PHF14: variants seen among roughly 807,000 people sequenced by gnomAD.
The protein encoded by PHF14 is PHD finger protein 14.
A neutral mutation model predicts 117.9 loss-of-function variants in PHF14; 55 were observed. That is an observed-to-expected ratio of 0.47 (90% CI 0.38 to 0.58). The LOEUF (loss-of-function observed/expected upper bound fraction) is 0.58. Ranked by LOEUF, PHF14 falls within the 20% of genes least tolerant of loss-of-function variation. PHF14 has a pLI of 0.00. For synonymous variants in PHF14, 409 were observed against 368.6 expected, an observed-to-expected ratio of 1.11 and a Z score of -1.26; for missense variants, 978 against 1,122.2, an observed-to-expected ratio of 0.87 and a Z score of 1.84.
rs536322466 is a variant in PHF14, at chr7:11,017,865, A to G, written c.1205+3959A>G. Among the ~76,000 whole-genome samples the G allele has an allele frequency of 3.5e-4, 53 of 152,198 alleles. No individual in the cohort carries two copies. In the South Asian group the frequency reaches 9.1e-3, roughly 26 times the overall value. On this transcript the variant is annotated intron_variant, in intron 5 of 17. Transcript: ENST00000634607. ...CCAGAGCAATGTCCTGGATTCCCCA[A>G]TGTTTTCTTGTAGTATTTTCATAGT... is the stretch of plus-strand genomic sequence containing the variant.
At chr7:10,995,668 G>T (rs1238148313) in intron 4 of PHF14, among the ~76,000 whole-genome samples, 1 of 152,210 alleles carries the variant, frequency 6.6e-6, no homozygotes, top group Admixed American at 6.5e-5. Context: ...CTCAGGCATG[G>T]TGGGCTGCAG....
intron 17 of PHF14, among the ~76,000 whole-genome samples, chr7:11,142,258 A>T (rs569394638): frequency 6.6e-6 from 1 of 152,178 alleles, no homozygotes; most frequent in South Asian, 2.1e-4. Context: ...AGGTATCTTC[A>T]CATTTAAAGC....
intron 11 of PHF14, among the ~76,000 whole-genome samples, chr7:11,040,404 TTG>T (rs1382627762): frequency 6.6e-6 from 1 of 152,118 alleles, no homozygotes; most frequent in Non-Finnish European, 1.5e-5. Context: ...GTATGTGTCT[TTG>T]TCTTTGAAAG....
chr7:11,164,293 C>A (rs77519926), intron 17 of PHF14, among the ~76,000 whole-genome samples: 3,495 of 151,980 alleles, frequency 0.023, 126 homozygotes, highest in African/African-American at 0.08. Context: ...TTCATATGGC[C>A]AAATTATAAA....
At chr7:11,116,279 CAGCTGTTTCTCCA>C (rs1250854656) in intron 17 of PHF14, among the ~76,000 whole-genome samples, 2 of 152,074 alleles carry the variant, frequency 1.3e-5, no homozygotes, top group South Asian at 2.1e-4. Flanking sequence ...TTCCTGGAAT[CAGCTGTTTCTCCA>C]AGGAGCCCAG....
chr7:11,079,633 G>A (rs773978510), intron 16 of PHF14, among the ~76,000 whole-genome samples: 1 of 152,114 alleles, frequency 6.6e-6, no homozygotes, highest in Admixed American at 6.5e-5. Flanking sequence ...GGATAGAAGT[G>A]TAGGGGAAGA....
At chr7:11,098,344 CCT>C (rs972409588) in intron 16 of PHF14, among the ~76,000 whole-genome samples, 1 of 152,144 alleles carries the variant, frequency 6.6e-6, no homozygotes, top group African/African-American at 2.4e-5. Flanking sequence ...CAGTGTCTAG[CCT>C]CTGTTTTCTG....
At chr7:11,041,057 C>T (rs904816884) in intron 12 of PHF14, among the ~76,000 whole-genome samples, 5 of 151,536 alleles carry the variant, frequency 3.3e-5, no homozygotes, top group African/African-American at 1.2e-4. Flanking sequence ...ATAATTTAAA[C>T]AATATAAAAG....
intron 16 of PHF14, among the ~76,000 whole-genome samples, chr7:11,083,909 A>G (rs1786270446): frequency 6.6e-6 from 1 of 152,218 alleles, no homozygotes; most frequent in South Asian, 2.1e-4. Flanking sequence ...ATAATGGAGG[A>G]AAGCATTCCA....
intron 17 of PHF14, among the ~76,000 whole-genome samples, chr7:11,168,482 A>G (rs1789275564): frequency 6.6e-6 from 1 of 152,214 alleles, no homozygotes; most frequent in Non-Finnish European, 1.5e-5. Flanking sequence ...CAATTATTTA[A>G]TTCAATGATT....
chr7:10,977,754 CATATGTAGAAAT>C (rs1297987129), intron 2 of PHF14, among the ~76,000 whole-genome samples: 1 of 151,966 alleles, frequency 6.6e-6, no homozygotes, highest in Non-Finnish European at 1.5e-5. Context: ...CCAGAAGAAC[CATATGTAGAAAT>C]GTTAGGTTGA....
intron 17 of PHF14, among the ~76,000 whole-genome samples, chr7:11,120,636 A>C (rs1484129420): frequency 6.6e-6 from 1 of 152,008 alleles, no homozygotes; most frequent in African/African-American, 2.4e-5. Flanking sequence ...AATTTTTTTA[A>C]AGTATATGCT....
chr7:10,997,259 T>A (rs1267040701), intron 4 of PHF14, among the ~76,000 whole-genome samples: 1 of 152,138 alleles, frequency 6.6e-6, no homozygotes, highest in Non-Finnish European at 1.5e-5. Flanking sequence ...ATCACTGAAT[T>A]TAGTAACATG....
Position 10,974,160 on chromosome 7 carries a change from G to A in PHF14, c.-164G>A. ...CGGGGGGGCGGGGGGTTAGGGGACC[G>A]CGGGGCTACTCTTGGGAGCGCCCCT... On this transcript the variant is annotated 5_prime_UTR_variant, in exon 1 of 18. Transcript: ENST00000634607. 1.6e-6 allele frequency: 1 copy of A among 639,060 alleles called. No individual in the cohort carries two copies. Among genetic ancestry groups the A allele is most frequent in the Admixed American group, 2.3e-5 (1 of 43,044 alleles). 39.6% of individuals were successfully genotyped at this position (639,060 alleles called of 1,614,324 possible).
chr7:11,106,466 T>C, intron 16 of PHF14: 1 of 949,496 alleles, frequency 1.1e-6, no homozygotes, highest in Non-Finnish European at 1.3e-6. Flanking sequence ...AAAATTGTTG[T>C]AAATTACAAG....
chr7:11,007,911 A>G (rs978378893), intron 4 of PHF14, among the ~76,000 whole-genome samples: 1 of 152,168 alleles, frequency 6.6e-6, no homozygotes, highest in South Asian at 2.1e-4. Flanking sequence ...ATTACTTTTC[A>G]GAGTGCTCAC....
At chr7:10,992,811 A>T (rs1437390415) in intron 4 of PHF14, among the ~76,000 whole-genome samples, 2 of 152,246 alleles carry the variant, frequency 1.3e-5, no homozygotes, top group Admixed American at 6.5e-5. Flanking sequence ...TGTCATTTCT[A>T]ACAAAATCAA....
At chr7:11,008,983 C>T (rs1783238244) in intron 4 of PHF14, among the ~76,000 whole-genome samples, 1 of 146,010 alleles carries the variant, frequency 6.8e-6, no homozygotes, top group Non-Finnish European at 1.5e-5. Flanking sequence ...TTGCAGTGAG[C>T]TGAGATCATG....
chr7:11,079,836 GT>G (rs1204438384), intron 16 of PHF14, among the ~76,000 whole-genome samples: 1 of 151,782 alleles, frequency 6.6e-6, no homozygotes, highest in African/African-American at 2.4e-5. Context: ...TCGTCATCCT[GT>G]TTTTTCTTCT....
Sources: allele counts gnomAD v4.1 joint callset (sites outside exome capture counted in the v4.1 genomes callset), GRCh38; gene constraint gnomAD v4.1.1; transcripts MANE v1.5; gene names NCBI Gene and HGNC (gene_info 2026-07-23, HGNC 2026-07-21).